The following ZNF469 variants were observed in gnomAD, a reference collection of about 807,000 sequenced individuals.
ZNF469 encodes zinc finger protein 469.
A neutral mutation model predicts 1.0 loss-of-function variants in ZNF469; 1 was observed. The observed-to-expected ratio is 1.00, with a 90% CI of 0.35 to 4.73. The LOEUF is 4.73. ZNF469 is among the 30% of genes most tolerant of loss of function. The pLI is 0.16. For missense variants in ZNF469, 6,100 were observed against 5,356.3 expected (o/e 1.14, Z -4.33); for synonymous variants, 2,703 against 2,363.4 (o/e 1.14, Z -4.17).
chr16:88,280,612 A>G, the ZNF469 span, among the ~76,000 whole-genome samples: 20 of 151,808 alleles, frequency 1.3e-4, no homozygotes, highest in African/African-American at 4.4e-4. Context: ...TGCCACACCA[A>G]CGCTTGGTCA....
chr16:88,276,836 G>A, the ZNF469 span, among the ~76,000 whole-genome samples: 1 of 152,186 alleles, frequency 6.6e-6, no homozygotes, highest in African/African-American at 2.4e-5. Context: ...CACTTGGTCA[G>A]TACTGTGTAG....
At chr16:88,359,401 C>T in the ZNF469 span, among the ~76,000 whole-genome samples, 4 of 150,850 alleles carry the variant, frequency 2.7e-5, no homozygotes, top group East Asian at 2.0e-4. Context: ...CTGAGTGTCC[C>T]GCGGGCTCGG....
rs1906447407 is a variant in ZNF469 at position 88,434,734 on chromosome 16, T to C, written c.7264T>C (p.Ser2422Pro). The C allele has an allele frequency of 3.9e-6, 6 of 1,549,350 alleles. No individual in the cohort carries two copies. Among genetic ancestry groups the C allele is most frequent in the Non-Finnish European group, 5.2e-6 (6 of 1,146,734 alleles). Residue 2422 changes from serine to proline, a missense_variant, in exon 3 of 3, where the codon TCC (serine) becomes CCC (proline). Physicochemically the swap from Ser to Pro is moderately conservative, Grantham distance 74 (BLOSUM62 -1). Transcript: ENST00000565624. ...CACAGCCAGTGACTTCCAGTCTGAC[T>C]CCCCCCAAAGCCACAGAAATGCCTC... ...SSTASDFQSDSPQSHRNASHQ... is the reference protein window; with the variant it reads ...SSTASDFQSDPPQSHRNASHQ...
At chr16:88,182,359 C>G in the ZNF469 span, among the ~76,000 whole-genome samples, 3 of 150,120 alleles carry the variant, frequency 2.0e-5, no homozygotes, top group Non-Finnish European at 4.4e-5. Flanking sequence ...CTTTTTTTTT[C>G]TTTTAGAAAC....
In ZNF469 at chr16:88,406,391, GC is replaced by G. The variant is rs1391628592; in HGVS notation, c.-191-18410del. On this transcript the variant is annotated intron_variant, in intron 1 of 2. Transcript: ENST00000565624. ...CCTGCCTATCCAAGTGCCCTGCAGTGCCCCCCACGCTGGGAAGCCCCCGCTG... is the reference window on the plus strand; with the variant it reads ...CCTGCCTATCCAAGTGCCCTGCAGTGCCCCCACGCTGGGAAGCCCCCGCTG... Among the ~76,000 whole-genome samples the G allele has an allele frequency of 2.0e-5, 3 of 152,224 alleles. No individual in the cohort carries two copies. In the East Asian group the frequency reaches 5.8e-4, roughly 29 times the overall value.
chr16:88,161,765 C>G, the ZNF469 span, among the ~76,000 whole-genome samples: 1 of 152,140 alleles, frequency 6.6e-6, no homozygotes, highest in East Asian at 1.9e-4. Flanking sequence ...AAATGTTTCC[C>G]TGCAAAACCG....
the ZNF469 span, among the ~76,000 whole-genome samples, chr16:88,289,606 T>G: frequency 6.6e-6 from 1 of 152,142 alleles, no homozygotes. Flanking sequence ...TTCACTCATT[T>G]TACAAATGAA....
the ZNF469 span, among the ~76,000 whole-genome samples, chr16:88,180,916 T>C: frequency 0.061 from 9,220 of 152,222 alleles, 447 homozygotes; most frequent in African/African-American, 0.12. Context: ...CTGAGTATCG[T>C]TGGAAACTTC....
At chr16:88,184,331 A>T in the ZNF469 span, among the ~76,000 whole-genome samples, 1 of 152,178 alleles carries the variant, frequency 6.6e-6, no homozygotes, top group African/African-American at 2.4e-5. Context: ...ACAGCAGTGC[A>T]GCCCCTGCTA....
At position 88,413,768 on chromosome 16, in the gene ZNF469, T is replaced by G. The variant is rs530019743; in HGVS notation, c.-191-11039T>G. On this transcript the variant is annotated intron_variant, in intron 1 of 2. Coordinates refer to ENST00000565624, the MANE Select transcript of ZNF469 (RefSeq NM_001367624.2). ...CAGGACCCAGGGACATCCCAGCTCC[T>G]GGGCTCCGCGCCTCAGGGCCTGGGC... Among the ~76,000 whole-genome samples the G allele has an allele frequency of 5.2e-4, 79 of 152,330 alleles. 1 individual carries two copies. The East Asian group carries it at 0.014, about 28-fold the overall frequency.
chr16:88,383,686 C>G (rs1268570348), intron 1 of ZNF469, among the ~76,000 whole-genome samples: 3 of 151,298 alleles, frequency 2.0e-5, no homozygotes, highest in Non-Finnish European at 3.0e-5. Context: ...CGGGGGTGCC[C>G]CAGCCGTGCC....
rs1472267071 is a variant in ZNF469, at chr16:88,437,372, G to T, written c.9902G>T (p.Ser3301Ile). Residue 3301 changes from serine to isoleucine, a missense_variant, in exon 3 of 3, where the codon AGC becomes ATC. Coordinates refer to ENST00000565624, the MANE Select transcript of ZNF469 (RefSeq NM_001367624.2). ...ASATALADAG[S>I]PGPPRTTPSP... Reference sequence around the variant, plus strand: ...GCCACCGCCCTGGCTGACGCCGGCAGCCCGGGCCCCCCCAGGACGACCCCC... The same window carrying T: ...GCCACCGCCCTGGCTGACGCCGGCATCCCGGGCCCCCCCAGGACGACCCCC... 1 of 1,539,508 alleles carries T rather than the reference G, an allele frequency of 6.5e-7. No individual in the cohort carries two copies. Among genetic ancestry groups the T allele is most frequent in the African/African-American group, 1.4e-5 (1 of 72,194 alleles).
the ZNF469 span, among the ~76,000 whole-genome samples, chr16:88,217,004 G>T: frequency 9.9e-5 from 15 of 151,950 alleles, 1 homozygote; most frequent in South Asian, 3.1e-3. Context: ...CCTGAGCTAT[G>T]GTTCTTGAAT....
chr16:88,267,756 AG>A, the ZNF469 span, among the ~76,000 whole-genome samples: 1 of 149,468 alleles, frequency 6.7e-6, no homozygotes, highest in South Asian at 2.1e-4. Flanking sequence ...TACTGGGGGC[AG>A]GGGGTCAGCA....
intron 1 of ZNF469, among the ~76,000 whole-genome samples, chr16:88,402,980 T>C (rs1904926255): frequency 6.6e-6 from 1 of 152,184 alleles, no homozygotes; most frequent in African/African-American, 2.4e-5. Context: ...CCCGGGAAGA[T>C]GAAGCAGCAA....
the ZNF469 span, among the ~76,000 whole-genome samples, chr16:88,299,945 T>C: frequency 6.6e-6 from 1 of 152,128 alleles, no homozygotes; most frequent in Non-Finnish European, 1.5e-5. Context: ...CTTTGTGTGG[T>C]GGCATCACCA....
At chr16:88,164,201 A>AATGG in the ZNF469 span, among the ~76,000 whole-genome samples, 2 of 149,834 alleles carry the variant, frequency 1.3e-5, no homozygotes, top group Admixed American at 1.3e-4. Flanking sequence ...TGGATGGATG[A>AATGG]ATGGATGGGT....
chr16:88,312,449 T>A, the ZNF469 span, among the ~76,000 whole-genome samples: 2 of 152,238 alleles, frequency 1.3e-5, no homozygotes, highest in South Asian at 4.1e-4. Context: ...CTGTTTCTGA[T>A]ATATAAGTTG....
the ZNF469 span, among the ~76,000 whole-genome samples, chr16:88,132,179 C>T: frequency 6.6e-6 from 1 of 152,234 alleles, no homozygotes; most frequent in East Asian, 1.9e-4. Context: ...TGGGGTCATG[C>T]CACAGCGCCA....
Sources: allele counts gnomAD v4.1 joint callset (sites outside exome capture counted in the v4.1 genomes callset), GRCh38; gene constraint gnomAD v4.1.1; transcripts MANE v1.5; gene names NCBI Gene and HGNC (gene_info 2026-07-23, HGNC 2026-07-21).